The following EVL variants were observed in gnomAD, a reference collection of about 807,000 sequenced individuals.
The protein encoded by EVL is ena/VASP-like protein.
In EVL, 21 loss-of-function variants were observed where a neutral mutation model predicts 59.6. The ratio of observed to expected loss-of-function variants is 0.35; its 90% confidence interval spans 0.25 to 0.51. The LOEUF is 0.51. EVL is among the 20% of genes least tolerant of loss of function. EVL has a pLI of 0.97. For missense variants in EVL, 462 were observed against 546.6 expected (o/e 0.85, Z 1.54); for synonymous variants, 198 against 203.5 (o/e 0.97, Z 0.23).
In EVL at chr14:100,084,792, C is replaced by T. The variant is rs1327377248; in HGVS notation, c.117C>T (p.Asn39=). 1.2e-6 allele frequency: 2 copies of T among 1,614,098 alleles called. No individual in the cohort carries two copies. The highest frequency in any genetic ancestry group is 1.7e-6 in the Non-Finnish European group (2 of 1,180,056). The change falls in exon 2 of 14, where the codon AAC becomes AAT. Residue 39 remains asparagine, a synonymous_variant. Coordinates refer to ENST00000392920, the MANE Select transcript of EVL (RefSeq NM_016337.3). The stretch of plus-strand genomic sequence containing the variant: ...GCCAGCAGGGATTCAGCCGGATCAA[C>T]ATCTACCACAACACTGCCAGCAACA... ...KPGQQGFSRI[N]IYHNTASNTF...
rs145112596 is a variant in EVL, at chr14:100,129,571, C to T, written c.726C>T (p.Asp242=). 6.0e-4 allele frequency: 962 copies of T among 1,613,604 alleles called. 7 individuals carry two copies. The African/African-American group carries it at 0.01, about 18-fold the overall frequency. The change falls in exon 7 of 14, where the codon GAC becomes GAT. Residue 242 remains aspartate, a synonymous_variant. Coordinates refer to ENST00000392920, the MANE Select transcript of EVL (RefSeq NM_016337.3). ...AKLRRVQRPE[D]ASGGSSPSGT... ...GCCTCCTTTTTCCTCAGCCAGAAGA[C>T]GCATCTGGAGGCTCCAGTCCCAGTG...
intron 1 of EVL, among the ~76,000 whole-genome samples, chr14:100,046,257 G>A (rs1237466348): frequency 6.6e-6 from 1 of 152,206 alleles, no homozygotes; most frequent in African/African-American, 2.4e-5. Flanking sequence ...TTGAATTTCA[G>A]ATTTTTGGAT....
intron 1 of EVL, among the ~76,000 whole-genome samples, chr14:99,989,382 T>C (rs1447514094): frequency 6.6e-6 from 1 of 152,188 alleles, no homozygotes; most frequent in Non-Finnish European, 1.5e-5. Context: ...TCCACTTTTG[T>C]TTTCTACCTC....
At position 100,020,879 on chromosome 14, in the gene EVL, G is replaced by A. The variant is rs975925168; in HGVS notation, c.5+48822G>A. Among the ~76,000 whole-genome samples the A allele has an allele frequency of 8.5e-5, 13 of 152,150 alleles. No individual in the cohort carries two copies. The East Asian group carries it at 1.7e-3, about 20-fold the overall frequency. On this transcript the variant is annotated intron_variant, in intron 1 of 13. Transcript: ENST00000402714. ...ATTATTTCTAATGGCCTGGGTTTGC[G>A]ACAAAGAAATTCTTTTTATGTGGCA...
chr14:100,029,736 C>T (rs1488243988), intron 1 of EVL, among the ~76,000 whole-genome samples: 1 of 151,936 alleles, frequency 6.6e-6, no homozygotes, highest in Non-Finnish European at 1.5e-5. Flanking sequence ...AGTAGGTGTG[C>T]GGGAGCTGAG....
intron 1 of EVL, among the ~76,000 whole-genome samples, chr14:99,975,639 C>T (rs1363353997): frequency 6.6e-6 from 1 of 152,144 alleles, no homozygotes; most frequent in Non-Finnish European, 1.5e-5. Context: ...AATCTGGATC[C>T]CTTGCGTGCA....
chr14:100,017,633 C>T (rs879500864), intron 1 of EVL, among the ~76,000 whole-genome samples: 7 of 152,150 alleles, frequency 4.6e-5, no homozygotes, highest in Non-Finnish European at 8.8e-5. Context: ...TCAATGATCA[C>T]AGAGTAAGGG....
rs1379774654 is a variant in EVL at position 100,047,114 on chromosome 14, C to CTTTTTTTTTTTTTTTTTTTTTTTTTTTTT, written c.6-37572_6-37571insTTTTTTTTTTTTTTTTTTTTTTTTTTTTT. On this transcript the variant is annotated intron_variant, in intron 1 of 13. Coordinates refer to the EVL transcript ENST00000402714. ...ATTTTGAGACCTTGGGCAGATCTCT[C>CTTTTTTTTTTTTTTTTTTTTTTTTTTTTT]TCTCTTTTTTTTTTTTTTTTTTTTT... Among the ~76,000 whole-genome samples the CTTTTTTTTTTTTTTTTTTTTTTTTTTTTT allele has an allele frequency of 1.2e-4, 11 of 95,108 alleles. 3 individuals carry two copies. The South Asian group carries it at 1.9e-3, about 16-fold the overall frequency. The allele number at this position is 95,108 out of a possible 152,430, so 62.4% of individuals were successfully genotyped here.
In EVL at chr14:100,049,367, A is replaced by G. The variant is rs115048138; in HGVS notation, c.6-35320A>G. 6.2e-3 allele frequency among the ~76,000 whole-genome samples: 951 copies of G among 152,296 alleles called. 11 individuals carry two copies. The highest frequency in any genetic ancestry group is 0.021 in the African/African-American group (860 of 41,572). ...AGGAATTGCCTGGAAGCCAAAGAGC[A>G]CATGTACTGCAACTGTGTATTCTAG... On this transcript the variant is annotated intron_variant, in intron 1 of 13. Coordinates refer to the EVL transcript ENST00000402714.
intron 1 of EVL, among the ~76,000 whole-genome samples, chr14:100,028,029 T>C (rs934691822): frequency 2.0e-5 from 3 of 152,172 alleles, no homozygotes; most frequent in Non-Finnish European, 4.4e-5. Context: ...GGGAGTAAAA[T>C]CAGTCTCTTC....
intron 3 of EVL, among the ~76,000 whole-genome samples, chr14:100,113,885 A>G (rs1887160126): frequency 6.6e-6 from 1 of 152,106 alleles, no homozygotes; most frequent in Non-Finnish European, 1.5e-5. Flanking sequence ...ATCCCAAAGT[A>G]AGGATGAACC....
intron 1 of EVL, among the ~76,000 whole-genome samples, chr14:100,033,484 G>A (rs2061344081): frequency 1.3e-5 from 2 of 152,174 alleles, no homozygotes; most frequent in African/African-American, 4.8e-5. Context: ...GCTAGGATTT[G>A]GATCTGTATC....
At chr14:100,102,409 G>A in intron 3 of EVL, 1 of 455,792 alleles carries the variant, frequency 2.2e-6, no homozygotes, top group Non-Finnish European at 4.4e-6. Context: ...TAGAGGATAA[G>A]TACACCTCCT....
chr14:99,991,503 A>G (rs1165933146), intron 1 of EVL, among the ~76,000 whole-genome samples: 2 of 152,328 alleles, frequency 1.3e-5, no homozygotes, highest in South Asian at 4.1e-4. Flanking sequence ...AACATCACAC[A>G]TAGGAATGTG....
chr14:99,983,294 T>C (rs1478213577), intron 1 of EVL, among the ~76,000 whole-genome samples: 3 of 152,178 alleles, frequency 2.0e-5, no homozygotes, highest in South Asian at 2.1e-4. Flanking sequence ...TATTTGGACG[T>C]AGAGGCGATA....
intron 11 of EVL, 25 bp from the exon 12 acceptor site, chr14:100,141,155 C>T (rs1216389948): frequency 3.1e-6 from 5 of 1,611,632 alleles, no homozygotes; most frequent in Middle Eastern, 1.7e-4. Flanking sequence ...CCAGCCAGGG[C>T]ACCCACAGGC....
chr14:100,130,999 G>A lies in EVL; in HGVS notation c.839+1315G>A, dbSNP rs139049467. Among the ~76,000 whole-genome samples the A allele has an allele frequency of 3.5e-4, 53 of 152,326 alleles. No homozygotes were observed. Among genetic ancestry groups the A allele is most frequent in the South Asian group, 2.5e-3 (12 of 4,824 alleles). ...GGAGGGCTCGCAGAACGATGAGGAC[G>A]TCCCGTGCTGTAAGAGGGACAGTGG... On this transcript the variant is annotated intron_variant, in intron 7 of 13. Coordinates refer to ENST00000392920, the MANE Select transcript of EVL (RefSeq NM_016337.3). This position sits in a 1 kb window ranked among gnomAD's most constrained non-coding sequence, Gnocchi z 4.8.
At chr14:100,080,612 T>C (rs1038350158) in intron 1 of EVL, among the ~76,000 whole-genome samples, 1 of 152,226 alleles carries the variant, frequency 6.6e-6, no homozygotes, top group Non-Finnish European at 1.5e-5. Context: ...GTGCAGATTA[T>C]ATGGGCCCCA....
chr14:100,127,171 G>C lies in EVL; in HGVS notation c.487+400G>C, dbSNP rs906021588. ...TGAACACTGTGGCAAGTGACGTGCA[G>C]GTGCTGAAGGCCTACCTTGGGTCAG... On this transcript the variant is annotated intron_variant, in intron 5 of 13. Coordinates refer to ENST00000392920, the MANE Select transcript of EVL (RefSeq NM_016337.3). This position sits in a 1 kb window ranked among gnomAD's most constrained non-coding sequence, Gnocchi z 4.2. 1.3e-5 allele frequency among the ~76,000 whole-genome samples: 2 copies of C among 152,222 alleles called. No individual in the cohort carries two copies. Among genetic ancestry groups the C allele is most frequent in the African/African-American group, 4.8e-5 (2 of 41,446 alleles).
Sources: allele counts gnomAD v4.1 joint callset (sites outside exome capture counted in the v4.1 genomes callset), GRCh38; gene constraint gnomAD v4.1.1; non-coding constraint Gnocchi (gnomAD v3.1); transcripts MANE v1.5; gene names NCBI Gene and HGNC (gene_info 2026-07-23, HGNC 2026-07-21).